DAB2IP: variants seen among roughly 807,000 people sequenced by gnomAD.
DAB2IP encodes the protein DAB2 interacting protein, also known as disabled homolog 2-interacting protein.
DAB2IP carries 28 observed loss-of-function variants against 107.2 expected under a neutral mutation model. The observed-to-expected ratio is 0.26, with a 90% CI of 0.19 to 0.36. The LOEUF (loss-of-function observed/expected upper bound fraction) is 0.36. Among genes scored for constraint, DAB2IP ranks in the 10% least tolerant of loss-of-function variants. DAB2IP has a pLI of 1.00. For synonymous variants in DAB2IP, 755 were observed against 706.4 expected (o/e 1.07, Z -1.09); for missense variants, 1,400 against 1,644.7 (o/e 0.85, Z 2.57).
rs142520673 is a variant in DAB2IP at position 121,567,185 on chromosome 9, C to T, written c.-4C>T. 40 of 1,613,994 alleles carry T rather than the reference C, an allele frequency of 2.5e-5. 1 individual carries two copies. In the African/African-American group the frequency reaches 3.2e-4, roughly 13 times the overall value. On this transcript the variant is annotated 5_prime_UTR_variant, in exon 1 of 17. Coordinates refer to the DAB2IP transcript ENST00000259371. ...TGGGGCCAGGGGCTGGGGGCCCACA[C>T]GCCATGGAGCCCGACTCCCTTCTGG...
At chr9:121,726,883 A>G (rs757433481) in intron 3 of DAB2IP, among the ~76,000 whole-genome samples, 4 of 151,736 alleles carry the variant, frequency 2.6e-5, no homozygotes, top group Non-Finnish European at 5.9e-5. Flanking sequence ...TCCCCACCCT[A>G]CTCCCTCATA....
chr9:121,718,350 AC>A (rs35782792), intron 3 of DAB2IP, among the ~76,000 whole-genome samples: 1 of 151,440 alleles, frequency 6.6e-6, no homozygotes, highest in Non-Finnish European at 1.5e-5. Context: ...CTGCTTGCAC[AC>A]CCCCATGTGT....
intron 1 of DAB2IP, among the ~76,000 whole-genome samples, chr9:121,657,542 G>A (rs1207951190): frequency 6.6e-6 from 1 of 152,192 alleles, no homozygotes; most frequent in African/African-American, 2.4e-5. Context: ...TCCTTTACCA[G>A]GTGGGAAACG....
At chr9:121,742,972 C>T (rs1832458260) in intron 3 of DAB2IP, 3 of 985,468 alleles carry the variant, frequency 3.0e-6, no homozygotes, top group Non-Finnish European at 3.6e-6. Context: ...AGAAGAGACA[C>T]TGGAGGATGT....
intron 1 of DAB2IP, among the ~76,000 whole-genome samples, chr9:121,620,901 G>GCTTT (rs1163956764): frequency 1.3e-5 from 2 of 152,206 alleles, no homozygotes; most frequent in Non-Finnish European, 2.9e-5. Context: ...GGAGAGAAGT[G>GCTTT]CTTTTCACTG....
chr9:121,613,654 T>G (rs1273257407), intron 1 of DAB2IP, among the ~76,000 whole-genome samples: 1 of 152,182 alleles, frequency 6.6e-6, no homozygotes, highest in African/African-American at 2.4e-5. Flanking sequence ...GTTGATGTGT[T>G]TGGCCACATG....
rs1831957925 is a variant in DAB2IP, at chr9:121,633,222, C to T, written c.41-45456C>T. ...TCGGGAAGGTTTGACATGAACAATACAATAAACGCAGCTTCTAAATTGGGT... is the reference window on the plus strand; with the variant it reads ...TCGGGAAGGTTTGACATGAACAATATAATAAACGCAGCTTCTAAATTGGGT... On this transcript the variant is annotated intron_variant, in intron 1 of 16. Transcript: ENST00000259371. This position sits in a 1 kb window ranked among gnomAD's most constrained non-coding sequence, Gnocchi z 5.1. 6.6e-6 allele frequency among the ~76,000 whole-genome samples: 1 copy of T among 152,166 alleles called. No homozygotes were observed. The highest frequency in any genetic ancestry group is 1.5e-5 in the Non-Finnish European group (1 of 68,020).
At chr9:121,774,354 C>T (rs1208619776) in exon 13 of DAB2IP, 1 of 1,612,786 alleles carries the variant, frequency 6.2e-7, no homozygotes, top group East Asian at 2.2e-5. Context: ...GGCCTGGGCC[C>T]AGACCCCCCC....
exon 9 of DAB2IP, chr9:121,766,558 C>A: frequency 6.2e-7 from 1 of 1,613,368 alleles, no homozygotes; most frequent in Non-Finnish European, 8.5e-7. Context: ...CAGTCGCGGC[C>A]GCCCGGACAT....
chr9:121,568,142 AC>A (rs1829851257), intron 1 of DAB2IP, among the ~76,000 whole-genome samples: 1 of 152,192 alleles, frequency 6.6e-6, no homozygotes, highest in African/African-American at 2.4e-5. Flanking sequence ...TCCTGAGACC[AC>A]AGTTCTACTA....
At position 121,684,837 on chromosome 9, in the gene DAB2IP, C is replaced by G. The variant is rs544152313; in HGVS notation, c.228+6056C>G. On this transcript the variant is annotated intron_variant, in intron 2 of 15. Transcript: ENST00000408936. The surrounding 1 kb of genome is among the most constrained non-coding windows in gnomAD (Gnocchi z 4.0). The stretch of plus-strand genomic sequence containing the variant: ...GGAGAGGAGCAGCTTGCCCAGGATA[C>G]TTGCTGGGGCTCCCTCCACTGGCCC... 8.5e-5 allele frequency among the ~76,000 whole-genome samples: 13 copies of G among 152,308 alleles called. No individual in the cohort carries two copies. Among genetic ancestry groups the G allele is most frequent in the Admixed American group, 3.9e-4 (6 of 15,300 alleles).
intron 8 of DAB2IP, among the ~76,000 whole-genome samples, chr9:121,764,127 G>A (rs1040775881): frequency 6.6e-6 from 1 of 152,230 alleles, no homozygotes; most frequent in African/African-American, 2.4e-5. Flanking sequence ...TTCATGTGCC[G>A]GGGGCTATTG....
In DAB2IP at chr9:121,567,919, G is replaced by C. The variant is rs566221758; in HGVS notation, c.40+691G>C. Among the ~76,000 whole-genome samples the C allele has an allele frequency of 2.1e-4, 32 of 152,296 alleles. 1 individual carries two copies. The South Asian group carries it at 6.6e-3, about 32-fold the overall frequency. On this transcript the variant is annotated intron_variant, in intron 1 of 16. Transcript: ENST00000259371. The stretch of plus-strand genomic sequence containing the variant: ...GGCCAGAGAGCTCACATTTGGCTGG[G>C]ATGCCCGGCACAGCCTGGCTGTCTC...
Position 121,703,140 on chromosome 9 carries a change from G to A in DAB2IP, c.362+3682G>A, listed in dbSNP as rs539245557. On this transcript the variant is annotated intron_variant, in intron 3 of 15. Transcript: ENST00000408936. ...ACTAGGGAAGGAGATACAGTACTTG[G>A]ATGTTGGGGATGGCAGCTTCCAGGG... is the stretch of plus-strand genomic sequence containing the variant. Among the ~76,000 whole-genome samples, 6 of 152,328 alleles carry A rather than the reference G, an allele frequency of 3.9e-5. No homozygotes were observed. In the South Asian group the frequency reaches 1.2e-3, roughly 32 times the overall value.
intron 14 of DAB2IP, among the ~76,000 whole-genome samples, chr9:121,778,715 C>G (rs1405707718): frequency 6.6e-6 from 1 of 152,174 alleles, no homozygotes; most frequent in Non-Finnish European, 1.5e-5. Flanking sequence ...CTGTTCAGCT[C>G]TGCTGTTACA....
chr9:121,785,381 A>C (rs761822941), exon 16 of DAB2IP: 4 of 152,628 alleles, frequency 2.6e-5, no homozygotes, highest in African/African-American at 9.7e-5. Flanking sequence ...CAAACGTTGG[A>C]GTTTGGGCTG....
rs146292721 is a variant in DAB2IP, at chr9:121,750,330, CGT to C, written c.363-6670_363-6669del. On this transcript the variant is annotated intron_variant, in intron 3 of 15. Coordinates refer to ENST00000408936, the Ensembl canonical transcript of DAB2IP. ...TAGCATTCACTTGTGTGCGCGCGCG[CGT>C]GTGTGTGTGTGTTTAATCCCAGGGC... Among the ~76,000 whole-genome samples the C allele has an allele frequency of 1.1e-4, 17 of 152,036 alleles. No homozygotes were observed. The South Asian group carries it at 1.5e-3, about 13-fold the overall frequency.
At chr9:121,613,195 G>T (rs913063119) in intron 1 of DAB2IP, among the ~76,000 whole-genome samples, 1 of 152,202 alleles carries the variant, frequency 6.6e-6, no homozygotes, top group East Asian at 1.9e-4. Context: ...GGTAATGTGT[G>T]TAAAGTGCTT....
intron 3 of DAB2IP, among the ~76,000 whole-genome samples, chr9:121,700,767 C>T (rs1316524507): frequency 6.6e-6 from 1 of 152,164 alleles, no homozygotes; most frequent in Non-Finnish European, 1.5e-5. Context: ...CCGCGCTCTC[C>T]AGTGCATCCT....
Sources: allele counts gnomAD v4.1 joint callset (sites outside exome capture counted in the v4.1 genomes callset), GRCh38; gene constraint gnomAD v4.1.1; non-coding constraint Gnocchi (gnomAD v3.1); transcripts MANE v1.5; gene names NCBI Gene and HGNC (gene_info 2026-07-23, HGNC 2026-07-21).